EXOC6: variants seen among roughly 807,000 people sequenced by gnomAD.
EXOC6 encodes SEC15-like 1.
In EXOC6, 60 loss-of-function variants were observed where a neutral mutation model predicts 112.5. The ratio of observed to expected loss-of-function variants is 0.53; its 90% CI spans 0.43 to 0.66. EXOC6 has a LOEUF of 0.66. Ranked by LOEUF, EXOC6 falls within the 30% of genes least tolerant of loss-of-function variation. EXOC6 has a pLI of 0.00. For missense variants in EXOC6, 855 were observed against 957.1 expected (o/e 0.89, Z 1.41); for synonymous variants, 295 against 308.0 (o/e 0.96, Z 0.44).
intron 4 of EXOC6, among the ~76,000 whole-genome samples, chr10:92,896,175 ATATATAT>A (rs1849798430): frequency 4.9e-5 from 1 of 20,522 alleles, no homozygotes; most frequent in Admixed American, 1.2e-3. Flanking sequence ...ATATATATAT[ATATATAT>A]TTTTTTTTTT....
chr10:93,051,129 A>T (rs1846273663), intron 20 of EXOC6, among the ~76,000 whole-genome samples: 1 of 147,888 alleles, frequency 6.8e-6, no homozygotes, highest in African/African-American at 2.6e-5. Context: ...CCAATTATGT[A>T]AATTTTACTG....
At chr10:92,967,151 G>A (rs1371176574) in intron 17 of EXOC6, among the ~76,000 whole-genome samples, 1 of 150,678 alleles carries the variant, frequency 6.6e-6, no homozygotes, top group Non-Finnish European at 1.5e-5. Context: ...TTTTTTTCTT[G>A]TAAATTTGTT....
chr10:92,909,602 G>A lies in EXOC6; in HGVS notation c.634G>A (p.Asp212Asn). 6.2e-7 allele frequency: 1 copy of A among 1,610,700 alleles called. No individual in the cohort carries two copies. The highest frequency in any genetic ancestry group is 1.3e-5 in the African/African-American group (1 of 74,920). ...DFLESIRKHS[D>N]KIGETAMKQA... ...TTTGGAAAGTATTCGAAAACATTCT[G>A]ACAAAATAGGTGAAACAGCAATGAA... The change falls in exon 6 of 22, where the codon GAC (aspartate) becomes AAC (asparagine). Residue 212 changes from aspartate to asparagine, a missense_variant. This residue lies in a region of EXOC6 where 405 missense variants were observed against 393.6 expected (regional missense o/e 1.03). Coordinates refer to ENST00000260762, the MANE Select transcript of EXOC6 (RefSeq NM_019053.6).
At chr10:93,033,569 A>G (rs1251552787) in intron 20 of EXOC6, among the ~76,000 whole-genome samples, 1 of 152,184 alleles carries the variant, frequency 6.6e-6, no homozygotes, top group Non-Finnish European at 1.5e-5. Flanking sequence ...GGCTTTTCTC[A>G]GTTAACTAAG....
intron 20 of EXOC6, among the ~76,000 whole-genome samples, chr10:93,016,432 C>T (rs552848983): frequency 3.3e-5 from 5 of 152,056 alleles, no homozygotes; most frequent in Admixed American, 2.0e-4. Flanking sequence ...TAAGCCACAG[C>T]GCCCAACCAC....
intron 20 of EXOC6, among the ~76,000 whole-genome samples, chr10:93,039,841 A>T (rs925414480): frequency 6.6e-6 from 1 of 152,162 alleles, no homozygotes; most frequent in Non-Finnish European, 1.5e-5. Flanking sequence ...TACTGCTTCA[A>T]CTGTGTGGCA....
chr10:92,917,800 A>G (rs1407505544), intron 7 of EXOC6, among the ~76,000 whole-genome samples: 1 of 152,116 alleles, frequency 6.6e-6, no homozygotes, highest in Non-Finnish European at 1.5e-5. Flanking sequence ...TCAGCCTTCC[A>G]AAGTGCTGAG....
chr10:92,907,264 A>T (rs565752683), intron 5 of EXOC6, among the ~76,000 whole-genome samples: 1 of 152,252 alleles, frequency 6.6e-6, no homozygotes, highest in African/African-American at 2.4e-5. Flanking sequence ...ACCTTTAGGG[A>T]GGTTGTATAT....
intron 6 of EXOC6, among the ~76,000 whole-genome samples, chr10:92,911,495 C>T (rs1850758947): frequency 6.6e-6 from 1 of 152,156 alleles, no homozygotes; most frequent in Admixed American, 6.5e-5. Flanking sequence ...TCACAAGTGT[C>T]GATATTAAAC....
At chr10:93,037,842 G>A (rs1424269470) in intron 20 of EXOC6, among the ~76,000 whole-genome samples, 4 of 150,494 alleles carry the variant, frequency 2.7e-5, no homozygotes, top group Non-Finnish European at 5.9e-5. Context: ...ACGAGGTCCG[G>A]AGATCGAGAC....
At chr10:92,914,578 A>G (rs1850979720) in intron 6 of EXOC6, among the ~76,000 whole-genome samples, 1 of 152,198 alleles carries the variant, frequency 6.6e-6, no homozygotes, top group South Asian at 2.1e-4. Context: ...AGGACAGAAA[A>G]TCATTGACAA....
chr10:92,953,928 A>G (rs1484166507), intron 15 of EXOC6, among the ~76,000 whole-genome samples: 9 of 152,194 alleles, frequency 5.9e-5, no homozygotes. Context: ...AGCTCATATC[A>G]GTTTGTATTT....
intron 17 of EXOC6, among the ~76,000 whole-genome samples, chr10:92,962,632 A>G (rs748030585): frequency 9.2e-5 from 14 of 152,198 alleles, no homozygotes; most frequent in Middle Eastern, 3.4e-3. Context: ...GACTCAAGCA[A>G]TCCTCTTGCT....
chr10:92,860,377 G>A (rs1391188265), intron 1 of EXOC6, among the ~76,000 whole-genome samples: 1 of 145,906 alleles, frequency 6.9e-6, no homozygotes, highest in Non-Finnish European at 1.5e-5. Flanking sequence ...CCCAGTTTAA[G>A]CAATTCTGCC....
intron 18 of EXOC6, among the ~76,000 whole-genome samples, chr10:92,996,478 G>A (rs1418189975): frequency 2.6e-5 from 4 of 152,068 alleles, no homozygotes; most frequent in South Asian, 2.1e-4. Flanking sequence ...TTAGCCAGGC[G>A]TGGTGGTGGG....
At chr10:92,905,138 AT>A (rs1372742695) in intron 5 of EXOC6, among the ~76,000 whole-genome samples, 2 of 151,960 alleles carry the variant, frequency 1.3e-5, no homozygotes, top group African/African-American at 2.4e-5. Flanking sequence ...CTACTTGTTA[AT>A]CTTTTCACCT....
intron 19 of EXOC6, among the ~76,000 whole-genome samples, chr10:93,008,316 T>A (rs1039738383): frequency 3.9e-5 from 6 of 152,172 alleles, no homozygotes; most frequent in South Asian, 4.1e-4. Context: ...AGATTTGGAA[T>A]CTCTTAAAAA....
chr10:92,983,500 CTTTTT>C (rs11349490), intron 18 of EXOC6, among the ~76,000 whole-genome samples: 2 of 109,394 alleles, frequency 1.8e-5, no homozygotes, highest in Non-Finnish European at 3.6e-5. Context: ...CTTTCTTCTT[CTTTTT>C]TTTTTTTTTT....
intron 11 of EXOC6, 103 bp downstream of exon 11, chr10:92,934,533 T>A (rs923323322): frequency 4.6e-5 from 46 of 993,150 alleles, no homozygotes; most frequent in Non-Finnish European, 6.2e-5. Context: ...CATTCTGCAT[T>A]TTTTTAGTAG....
Sources: allele counts gnomAD v4.1 joint callset (sites outside exome capture counted in the v4.1 genomes callset), GRCh38; gene constraint gnomAD v4.1.1; regional missense constraint gnomAD v4.1.1; transcripts MANE v1.5; gene names NCBI Gene and HGNC (gene_info 2026-07-23, HGNC 2026-07-21).